PTPRU: variants seen among roughly 807,000 people sequenced by gnomAD.
PTPRU encodes receptor-type tyrosine-protein phosphatase U.
PTPRU carries 69 observed loss-of-function variants against 166.3 expected under a neutral mutation model. The ratio of observed to expected loss-of-function variants is 0.41; its 90% CI spans 0.34 to 0.51. The LOEUF (loss-of-function observed/expected upper bound fraction) is 0.51. Ranked by LOEUF, PTPRU falls within the 20% of genes least tolerant of loss-of-function variation. PTPRU has a pLI of 0.09. For synonymous variants in PTPRU, 793 were observed against 814.0 expected (o/e 0.97, Z 0.44); for missense variants, 1,657 against 2,013.7 (o/e 0.82, Z 3.39).
intron 1 of PTPRU, among the ~76,000 whole-genome samples, chr1:29,248,632 C>G (rs1235150782): frequency 6.6e-6 from 1 of 152,118 alleles, no homozygotes; most frequent in Non-Finnish European, 1.5e-5. Context: ...TCAGAAAATA[C>G]TGGTTGCAGC....
chr1:29,255,492 C>T, intron 2 of PTPRU, 86 bp downstream of exon 2: 1 of 1,549,476 alleles, frequency 6.5e-7, no homozygotes, highest in South Asian at 1.2e-5. Context: ...GGGCACATTA[C>T]TTAACCTCTC....
chr1:29,314,253 G>A (rs1687796874), intron 22 of PTPRU, among the ~76,000 whole-genome samples: 1 of 152,192 alleles, frequency 6.6e-6, no homozygotes, highest in Non-Finnish European at 1.5e-5. Context: ...ATTTCTTTCT[G>A]TGTGGTATGT....
intron 1 of PTPRU, among the ~76,000 whole-genome samples, chr1:29,244,796 T>C (rs1025717648): frequency 5.9e-5 from 9 of 152,220 alleles, no homozygotes; most frequent in African/African-American, 1.9e-4. Flanking sequence ...TTTATGGTTA[T>C]GATTATGTAG....
chr1:29,259,600 T>TTGTTGTGGGGGGGGGGGGGGGG, intron 5 of PTPRU, 36 bp downstream of exon 5: 2 of 253,690 alleles, frequency 7.9e-6, no homozygotes, highest in South Asian at 2.9e-5. Flanking sequence ...GGGGGCGGGG[T>TTGTTGTGGGGGGGGGGGGGGGG]GGGAGGGGGT....
chr1:29,261,910 C>T (rs2151946073), intron 7 of PTPRU, among the ~76,000 whole-genome samples: 1 of 152,324 alleles, frequency 6.6e-6, no homozygotes, highest in African/African-American at 2.4e-5. Flanking sequence ...GAAAGATTCT[C>T]TGTGCAAGTC....
intron 7 of PTPRU, among the ~76,000 whole-genome samples, chr1:29,262,386 G>T (rs1014192698): frequency 6.6e-6 from 1 of 152,068 alleles, no homozygotes; most frequent in Non-Finnish European, 1.5e-5. Flanking sequence ...GGTAGTCCCC[G>T]TGTATCTGAA....
At chr1:29,263,196 G>T (rs1198023871) in intron 7 of PTPRU, among the ~76,000 whole-genome samples, 1 of 152,194 alleles carries the variant, frequency 6.6e-6, no homozygotes, top group East Asian at 1.9e-4. Context: ...TGTTGGCCAG[G>T]CTGGTCTCGA....
chr1:29,273,450 G>A (rs563122936), intron 7 of PTPRU, among the ~76,000 whole-genome samples: 1 of 152,076 alleles, frequency 6.6e-6, no homozygotes, highest in Non-Finnish European at 1.5e-5. Context: ...TGCGCTTTTA[G>A]TAGAGATGGG....
At chr1:29,246,565 C>T (rs766981112) in intron 1 of PTPRU, among the ~76,000 whole-genome samples, 3 of 152,148 alleles carry the variant, frequency 2.0e-5, no homozygotes, top group Admixed American at 1.3e-4. Flanking sequence ...TGCACTCTAC[C>T]GGATTGCGGG....
At chr1:29,312,854 G>T (rs1158916760) in intron 22 of PTPRU, 148 bp downstream of exon 22, 2 of 1,081,864 alleles carry the variant, frequency 1.8e-6, no homozygotes, top group Non-Finnish European at 2.5e-6. Flanking sequence ...GACCCCCAAA[G>T]GCCCTGTCCC....
Position 29,259,850 on chromosome 1 carries a change from CCTCA to C in PTPRU, c.676-16_676-13del. The C allele has an allele frequency of 6.6e-7, 1 of 1,524,858 alleles. No individual in the cohort carries two copies. Among genetic ancestry groups the C allele is most frequent in the Non-Finnish European group, 8.8e-7 (1 of 1,142,350 alleles). The allele number at this position is 1,524,858 out of a possible 1,614,324, so 94.5% of individuals were successfully genotyped here. A position where few individuals can be genotyped will look rare whatever the true frequency, so the allele number is the denominator to read the frequency against. On this transcript the variant is annotated splice_polypyrimidine_tract_variant and intron_variant, in intron 5 of 29. Coordinates refer to ENST00000373779, the MANE Select transcript of PTPRU (RefSeq NM_133178.4). ...CCTCGCTCCGAGGCGCCCCTGACCC[CCTCA>C]CTCTCTTCCCTGCAGCGGCAGAGCG...
chr1:29,273,444 C>T (rs6690023), intron 7 of PTPRU, among the ~76,000 whole-genome samples: 108,175 of 151,942 alleles, frequency 0.71, 39,130 homozygotes, highest in South Asian at 0.85. Context: ...TATTTTTGCG[C>T]TTTTAGTAGA....
chr1:29,260,821 G>A lies in PTPRU; in HGVS notation c.1062G>A (p.Glu354=). 1 of 1,612,460 alleles carries A rather than the reference G, an allele frequency of 6.2e-7. No homozygotes were observed. The highest frequency in any genetic ancestry group is 8.5e-7 in the Non-Finnish European group (1 of 1,179,490). The part of the protein sequence containing the change: ...LWHLDPDTEY[E]ISVLLTRPGD... Reference sequence around the variant, plus strand: ...ACCTCGACCCCGACACAGAGTATGAGATCAGCGTGCTGCTCACGCGTCCCG... The same window carrying A: ...ACCTCGACCCCGACACAGAGTATGAAATCAGCGTGCTGCTCACGCGTCCCG... Residue 354 remains glutamate, a synonymous_variant, in exon 7 of 30, where the codon GAG becomes GAA. Transcript: ENST00000373779. The surrounding 1 kb of genome is among the most constrained non-coding windows in gnomAD (Gnocchi z 8.3).
At position 29,282,888 on chromosome 1, in the gene PTPRU, C is replaced by T; in HGVS notation, c.2081C>T (p.Pro694Leu). 6.2e-7 allele frequency: 1 copy of T among 1,614,124 alleles called. No individual in the cohort carries two copies. Among genetic ancestry groups the T allele is most frequent in the Non-Finnish European group, 8.5e-7 (1 of 1,180,000 alleles). Residue 694 changes from proline to leucine, a missense_variant, in exon 12 of 30, where the codon CCA becomes CTA. By Grantham distance (98) the Pro-to-Leu change is moderately conservative. Around this residue, in one of 3 missense-constraint regions of PTPRU, gnomAD observed 1,190 missense variants for 1,477.4 expected, o/e 0.81. Coordinates refer to ENST00000373779, the MANE Select transcript of PTPRU (RefSeq NM_133178.4). Reference sequence around the variant, plus strand: ...CAGACCTACCGAGGCTTCTGGAACCCACCACTTGAGCCTAGGAAGGCCTAT... The same window carrying T: ...CAGACCTACCGAGGCTTCTGGAACCTACCACTTGAGCCTAGGAAGGCCTAT... ...DNQTYRGFWN[P>L]PLEPRKAYLI... is the part of the protein sequence containing the mutation.
chr1:29,315,736 T>C lies in PTPRU; in HGVS notation c.3363+229T>C, dbSNP rs1236239253. On this transcript the variant is annotated intron_variant, in intron 23 of 29. Transcript: ENST00000373779. This position sits in a 1 kb window ranked among gnomAD's most constrained non-coding sequence, Gnocchi z 4.5. ...GGTCCTGTAGCTGACATACCTGGGATTGCATCCTCAGTGGATGTGTGACCG... is the reference window on the plus strand; with the variant it reads ...GGTCCTGTAGCTGACATACCTGGGACTGCATCCTCAGTGGATGTGTGACCG... 1.3e-5 allele frequency among the ~76,000 whole-genome samples: 2 copies of C among 152,156 alleles called. No homozygotes were observed. The highest frequency in any genetic ancestry group is 4.8e-5 in the African/African-American group (2 of 41,434).
At chr1:29,304,098 T>C (rs1036366646) in intron 16 of PTPRU, 53 bp downstream of exon 16, 1 of 1,558,648 alleles carries the variant, frequency 6.4e-7, no homozygotes, top group Non-Finnish European at 8.7e-7. Flanking sequence ...CACCTGGCTC[T>C]TACTCTCTGT....
intron 18 of PTPRU, among the ~76,000 whole-genome samples, chr1:29,309,990 ATGGGTGGC>A (rs1687573627): frequency 6.6e-6 from 1 of 152,182 alleles, no homozygotes; most frequent in Non-Finnish European, 1.5e-5. Flanking sequence ...GCAGGACCTC[ATGGGTGGC>A]TGTGGCCCTG....
At position 29,325,331 on chromosome 1, in the gene PTPRU, G is replaced by A; in HGVS notation, c.4248+5G>A. 6.2e-7 allele frequency: 1 copy of A among 1,614,166 alleles called. No individual in the cohort carries two copies. The highest frequency in any genetic ancestry group is 8.5e-7 in the Non-Finnish European group (1 of 1,179,962). ...CCCAACATGGTGGAGACCATGGTGA[G>A]GGGCTGTGTCCCGTGCCCAGCCACT... is the stretch of plus-strand genomic sequence containing the variant. On this transcript the variant is annotated splice_donor_5th_base_variant and intron_variant, in intron 29 of 29. Coordinates refer to ENST00000373779, the MANE Select transcript of PTPRU (RefSeq NM_133178.4).
intron 1 of PTPRU, among the ~76,000 whole-genome samples, chr1:29,245,564 C>T (rs1246290676): frequency 6.6e-6 from 1 of 152,212 alleles, no homozygotes; most frequent in Non-Finnish European, 1.5e-5. Flanking sequence ...TCTCAGCCCT[C>T]TACTTCACTG....
Sources: allele counts gnomAD v4.1 joint callset (sites outside exome capture counted in the v4.1 genomes callset), GRCh38; gene constraint gnomAD v4.1.1; regional missense constraint gnomAD v4.1.1; non-coding constraint Gnocchi (gnomAD v3.1); transcripts MANE v1.5; gene names NCBI Gene and HGNC (gene_info 2026-07-23, HGNC 2026-07-21).